The following EIF2B3 variants were observed in gnomAD, a reference collection of about 807,000 sequenced individuals.
The protein encoded by EIF2B3 is eukaryotic translation initiation factor 2B subunit gamma.
A neutral mutation model predicts 54.1 loss-of-function variants in EIF2B3; 20 were observed. The ratio of observed to expected loss-of-function variants is 0.37; its 90% CI spans 0.26 to 0.54. EIF2B3 has a LOEUF of 0.54. Among genes scored for constraint, EIF2B3 ranks in the 20% least tolerant of loss-of-function variants. The pLI, the probability that EIF2B3 is intolerant of heterozygous loss-of-function variation, is 0.86. For missense variants in EIF2B3, 448 were observed against 547.8 expected (o/e 0.82, Z 1.82); for synonymous variants, 153 against 188.1 (o/e 0.81, Z 1.52).
intron 7 of EIF2B3, 42 bp from the exon 8 acceptor site, chr1:44,880,050 GATAAC>G: frequency 6.9e-7 from 1 of 1,454,066 alleles, no homozygotes; most frequent in Non-Finnish European, 9.7e-7. Context: ...ATGAGAGAGA[GATAAC>G]AGAACAGATA....
intron 5 of EIF2B3, among the ~76,000 whole-genome samples, chr1:44,911,014 C>T (rs1290397690): frequency 6.6e-6 from 1 of 152,076 alleles, no homozygotes; most frequent in Non-Finnish European, 1.5e-5. Context: ...TTCTGATTTT[C>T]CTATATACAT....
rs572475859 is a variant in EIF2B3, at chr1:44,974,334, G to A, written c.294+3981C>T. Among the ~76,000 whole-genome samples, 499 of 151,962 alleles carry A rather than the reference G, an allele frequency of 3.3e-3. 1 individual carries two copies. The highest frequency in any genetic ancestry group is 5.8e-3 in the Non-Finnish European group (392 of 67,952). ...CTCTATATATAAAAAAAGTCCAGGT[G>A]TGGTGGTGCATGCCTGTAGTCTCAG... is the stretch of plus-strand genomic sequence containing the variant. On this transcript the variant is annotated intron_variant, in intron 3 of 11. Coordinates refer to ENST00000360403, the MANE Select transcript of EIF2B3 (RefSeq NM_020365.5).
At chr1:44,914,291 G>T (rs1449522022) in intron 5 of EIF2B3, among the ~76,000 whole-genome samples, 5 of 151,722 alleles carry the variant, frequency 3.3e-5, no homozygotes, top group Admixed American at 3.3e-4. Flanking sequence ...CTCCCAAGTA[G>T]CTGGGATTAC....
intron 8 of EIF2B3, among the ~76,000 whole-genome samples, chr1:44,876,552 C>T (rs1655158777): frequency 2.6e-5 from 1 of 38,880 alleles, no homozygotes; most frequent in Non-Finnish European, 4.6e-5. Context: ...CGCCCGGCAG[C>T]CACCCCGTCC....
rs1280790311 is a variant in EIF2B3 at position 44,921,923 on chromosome 1, A to AT, written c.566+4704dup. ...TTTTTTATTTTATTTTATTTTATTT[A>AT]TTTTTTTTTGAGATGGAGTCTTGCT... is the stretch of plus-strand genomic sequence containing the variant. On this transcript the variant is annotated intron_variant, in intron 5 of 11. Coordinates refer to ENST00000360403, the MANE Select transcript of EIF2B3 (RefSeq NM_020365.5). Among the ~76,000 whole-genome samples the AT allele has an allele frequency of 3.4e-4, 50 of 148,622 alleles. 1 individual carries two copies. The East Asian group carries it at 4.1e-3, about 12-fold the overall frequency.
At chr1:44,984,456 G>A (rs1557718391) in intron 1 of EIF2B3, among the ~76,000 whole-genome samples, 1 of 151,876 alleles carries the variant, frequency 6.6e-6, no homozygotes, top group Non-Finnish European at 1.5e-5. Context: ...GGGCAACAGA[G>A]TGAGACCCTG....
In EIF2B3 at chr1:44,897,605, C is replaced by T. The variant is rs1010928324; in HGVS notation, c.567-161G>A. Among the ~76,000 whole-genome samples the T allele has an allele frequency of 3.3e-5, 5 of 152,142 alleles. No homozygotes were observed. In the South Asian group the frequency reaches 1.0e-3, roughly 32 times the overall value. On this transcript the variant is annotated intron_variant, in intron 5 of 11. Coordinates refer to ENST00000360403, the MANE Select transcript of EIF2B3 (RefSeq NM_020365.5). ...GGAGACCAGGACAGTGGACCCCAGCCCTGACTCTACCACATAAAAGGTGTT... is the reference window on the plus strand; with the variant it reads ...GGAGACCAGGACAGTGGACCCCAGCTCTGACTCTACCACATAAAAGGTGTT...
Position 44,941,595 on chromosome 1 carries a change from C to T in EIF2B3, c.365G>A (p.Arg122Lys). Residue 122 changes from arginine to lysine, a missense_variant, in exon 4 of 12, where the codon AGA (arginine) becomes AAA (lysine). Arg to Lys is a conservative substitution (Grantham distance 26). This residue lies in a region of EIF2B3 where 350 missense variants were observed against 414.2 expected (regional missense o/e 0.85). Transcript: ENST00000360403. The stretch of plus-strand genomic sequence containing the variant: ...CATAGCAAGTGATGCATCATAAGCT[C>T]TAAACAGGTCCACAACCTCATGTAA... ...VALHEVVDLF[R>K]AYDASLAMLM... 1 of 1,614,066 alleles carries T rather than the reference C, an allele frequency of 6.2e-7. No individual in the cohort carries two copies.
Position 44,851,006 on chromosome 1 carries a change from A to T in EIF2B3, c.1307-3T>A. ...GATCACCTCATTCACTCGTTTAGCT[A>T]CAAAAGAAAAGGAAAAAAGTTTTCT... On this transcript the variant is annotated splice_polypyrimidine_tract_variant and splice_region_variant and intron_variant, in intron 11 of 11. Coordinates refer to ENST00000360403, the MANE Select transcript of EIF2B3 (RefSeq NM_020365.5). 6.2e-7 allele frequency: 1 copy of T among 1,613,936 alleles called. No individual in the cohort carries two copies. Among genetic ancestry groups the T allele is most frequent in the Non-Finnish European group, 8.5e-7 (1 of 1,180,028 alleles).
chr1:44,985,261 TCTAGTAATCAC>T (rs1644560213), intron 1 of EIF2B3, among the ~76,000 whole-genome samples: 1 of 152,212 alleles, frequency 6.6e-6, no homozygotes, highest in African/African-American at 2.4e-5. Context: ...TTCTCTTGTG[TCTAGTAATCAC>T]CTATTAAACT....
At chr1:44,868,167 G>C (rs1245131988) in intron 10 of EIF2B3, among the ~76,000 whole-genome samples, 1 of 152,108 alleles carries the variant, frequency 6.6e-6, no homozygotes, top group Admixed American at 6.6e-5. Flanking sequence ...GGGAGGCCGA[G>C]GCGAGCGGAT....
intron 10 of EIF2B3, among the ~76,000 whole-genome samples, chr1:44,865,216 T>TAAAAAAAAAA (rs57763807): frequency 0.013 from 1,836 of 139,930 alleles, 43 homozygotes; most frequent in African/African-American, 0.045. Context: ...GACTCCATCT[T>TAAAAAAAAAA]AAAAAAAAAA....
intron 2 of EIF2B3, among the ~76,000 whole-genome samples, chr1:44,980,084 C>T (rs1644497464): frequency 6.6e-6 from 1 of 152,122 alleles, no homozygotes; most frequent in Non-Finnish European, 1.5e-5. Context: ...CTTTGGCACC[C>T]TGATTTATTA....
intron 3 of EIF2B3, among the ~76,000 whole-genome samples, chr1:44,971,993 T>C (rs538170701): frequency 1.3e-5 from 2 of 151,580 alleles, no homozygotes; most frequent in African/African-American, 2.4e-5. Context: ...GATTGCACCA[T>C]TGCACTCCAG....
intron 10 of EIF2B3, among the ~76,000 whole-genome samples, chr1:44,873,738 T>C (rs1294187391): frequency 6.6e-6 from 1 of 151,996 alleles, no homozygotes; most frequent in Non-Finnish European, 1.5e-5. Context: ...CCTCCTGGGT[T>C]CAAGCCATTC....
intron 3 of EIF2B3, among the ~76,000 whole-genome samples, chr1:44,968,584 C>T (rs771692841): frequency 1.3e-5 from 2 of 152,150 alleles, no homozygotes; most frequent in Non-Finnish European, 2.9e-5. Context: ...GACAACAACG[C>T]TGTATGTCAA....
At position 44,881,776 on chromosome 1, in the gene EIF2B3, C is replaced by G. The variant is rs764130353; in HGVS notation, c.657-37G>C. On this transcript the variant is annotated intron_variant, in intron 6 of 11. Transcript: ENST00000360403. The surrounding 1 kb of genome is among the most constrained non-coding windows in gnomAD (Gnocchi z 4.0). ...GAATGGCCAAATATGAGAAACCTGA[C>G]TGTCTGGAACATACCCGGATCAAAA... 3 of 1,612,226 alleles carry G rather than the reference C, an allele frequency of 1.9e-6. No individual in the cohort carries two copies.
At position 44,877,188 on chromosome 1, in the gene EIF2B3, T is replaced by TTA. The variant is rs1557666411; in HGVS notation, c.976-1494_976-1493insTA. Among the ~76,000 whole-genome samples, 5 of 36,642 alleles carry TTA rather than the reference T, an allele frequency of 1.4e-4. No individual in the cohort carries two copies. The East Asian group carries it at 2.6e-3, about 19-fold the overall frequency. The allele number at this position is 36,642 out of a possible 152,430, so 24.0% of individuals were successfully genotyped here. On this transcript the variant is annotated intron_variant, in intron 8 of 11. Coordinates refer to ENST00000360403, the MANE Select transcript of EIF2B3 (RefSeq NM_020365.5). ...CTCTGCGAGAAACACCCAAGAATGA[T>TTA]CAATAAAAAAAAAAAAAAAAAAAAA...
At chr1:44,895,110 G>A (rs1052538977) in intron 6 of EIF2B3, among the ~76,000 whole-genome samples, 1 of 152,214 alleles carries the variant, frequency 6.6e-6, no homozygotes, top group Non-Finnish European at 1.5e-5. Context: ...GGTCAAGGTA[G>A]ATGCGGGGAG....
Sources: allele counts gnomAD v4.1 joint callset (sites outside exome capture counted in the v4.1 genomes callset), GRCh38; gene constraint gnomAD v4.1.1; regional missense constraint gnomAD v4.1.1; non-coding constraint Gnocchi (gnomAD v3.1); transcripts MANE v1.5; gene names NCBI Gene and HGNC (gene_info 2026-07-23, HGNC 2026-07-21).